Variants in FSIP1 observed in about 807,000 individuals in gnomAD.
FSIP1 encodes fibrous sheath-interacting protein 1.
FSIP1 carries 65 observed loss-of-function variants against 60.9 expected under a neutral mutation model. The ratio of observed to expected loss-of-function variants is 1.07; its 90% CI spans 0.87 to 1.31. The LOEUF (loss-of-function observed/expected upper bound fraction) is 1.31. FSIP1 is among the 40% of genes most tolerant of loss of function. FSIP1 has a pLI of 0.00. For missense variants in FSIP1, 675 were observed against 665.5 expected, an observed-to-expected ratio of 1.01 and a Z score of -0.16; for synonymous variants, 209 against 221.2, an observed-to-expected ratio of 0.94 and a Z score of 0.49.
At chr15:39,641,322 T>C (rs1381713800) in intron 10 of FSIP1, among the ~76,000 whole-genome samples, 1 of 152,184 alleles carries the variant, frequency 6.6e-6, no homozygotes, top group Non-Finnish European at 1.5e-5. Context: ...TACCCACCAC[T>C]AGAGCACAAA....
At position 39,753,687 on chromosome 15, in the gene FSIP1, C is replaced by T. The variant is rs578129338; in HGVS notation, c.559+10134G>A. Reference sequence around the variant, plus strand: ...AATAAATTTCAACACTAAGTTCTTACAGCTCTCAGCATAGGAATAATTGTT... The same window carrying T: ...AATAAATTTCAACACTAAGTTCTTATAGCTCTCAGCATAGGAATAATTGTT... On this transcript the variant is annotated intron_variant, in intron 5 of 11. Transcript: ENST00000350221. Among the ~76,000 whole-genome samples, 7 of 151,924 alleles carry T rather than the reference C, an allele frequency of 4.6e-5. No homozygotes were observed. In the South Asian group the frequency reaches 1.2e-3, roughly 27 times the overall value.
intron 10 of FSIP1, among the ~76,000 whole-genome samples, chr15:39,662,496 A>G (rs1174630385): frequency 6.6e-6 from 1 of 152,178 alleles, no homozygotes; most frequent in African/African-American, 2.4e-5. Context: ...GAAATTAAGG[A>G]TATGTAGTCA....
chr15:39,780,305 C>G (rs969913906), intron 1 of FSIP1, among the ~76,000 whole-genome samples: 2 of 152,124 alleles, frequency 1.3e-5, no homozygotes, highest in Admixed American at 1.3e-4. Context: ...GGGCAGATCA[C>G]GAGGTCAGGA....
intron 10 of FSIP1, among the ~76,000 whole-genome samples, chr15:39,623,358 G>A (rs963788868): frequency 2.6e-5 from 4 of 152,034 alleles, no homozygotes; most frequent in South Asian, 2.1e-4. Flanking sequence ...AGCTTACTTC[G>A]GGTGTTTTTT....
chr15:39,748,562 C>T (rs1020730995), intron 5 of FSIP1, among the ~76,000 whole-genome samples: 1 of 152,146 alleles, frequency 6.6e-6, no homozygotes, highest in African/African-American at 2.4e-5. Context: ...CCCTGCAGCA[C>T]ATCCTTATGA....
chr15:39,723,297 T>C (rs199949852), intron 9 of FSIP1, among the ~76,000 whole-genome samples: 3 of 152,286 alleles, frequency 2.0e-5, no homozygotes. Context: ...GGCGCGATCT[T>C]GGCTCACTGC....
chr15:39,690,697 T>C (rs549987474), intron 10 of FSIP1, among the ~76,000 whole-genome samples: 4 of 152,216 alleles, frequency 2.6e-5, no homozygotes, highest in African/African-American at 7.2e-5. Context: ...CTTTTGTCCA[T>C]TGCTGCCACA....
In FSIP1 at chr15:39,695,016, T is replaced by C. The variant is rs141413096; in HGVS notation, c.1188+18428A>G. ...AGATGTGCTGTCAGTAGGGTTTACATTTTCCCAGCAAACGGAATCATAGAA... is the reference window on the plus strand; with the variant it reads ...AGATGTGCTGTCAGTAGGGTTTACACTTTCCCAGCAAACGGAATCATAGAA... On this transcript the variant is annotated intron_variant, in intron 10 of 11. Transcript: ENST00000350221. Among the ~76,000 whole-genome samples, 19 of 152,276 alleles carry C rather than the reference T, an allele frequency of 1.2e-4. No individual in the cohort carries two copies. The East Asian group carries it at 3.1e-3, about 25-fold the overall frequency.
chr15:39,728,576 G>C (rs1896286952), intron 8 of FSIP1, among the ~76,000 whole-genome samples: 2 of 152,292 alleles, frequency 1.3e-5, no homozygotes, highest in South Asian at 4.1e-4. Context: ...GGCATAACTG[G>C]CTAGCCATGT....
intron 10 of FSIP1, among the ~76,000 whole-genome samples, chr15:39,633,582 C>T (rs1230122505): frequency 6.6e-6 from 1 of 152,132 alleles, no homozygotes; most frequent in East Asian, 1.9e-4. Context: ...TGTATTATAA[C>T]TAACTTCTAC....
At chr15:39,754,866 T>C (rs1241744858) in intron 5 of FSIP1, among the ~76,000 whole-genome samples, 1 of 151,968 alleles carries the variant, frequency 6.6e-6, no homozygotes, top group African/African-American at 2.4e-5. Flanking sequence ...AAACTGGAGG[T>C]ATGCCATTAG....
At chr15:39,682,985 T>C (rs1894225910) in intron 10 of FSIP1, among the ~76,000 whole-genome samples, 1 of 152,062 alleles carries the variant, frequency 6.6e-6, no homozygotes. Flanking sequence ...CCTGGTCCAG[T>C]ACAGAAAGGG....
At chr15:39,722,250 C>T (rs1252978904) in intron 9 of FSIP1, among the ~76,000 whole-genome samples, 1 of 151,952 alleles carries the variant, frequency 6.6e-6, no homozygotes, top group East Asian at 1.9e-4. Context: ...CCATTACCCC[C>T]GGATGGAACC....
intron 5 of FSIP1, among the ~76,000 whole-genome samples, chr15:39,749,093 T>C (rs1220807263): frequency 6.6e-6 from 1 of 151,616 alleles, no homozygotes; most frequent in Non-Finnish European, 1.5e-5. Context: ...AAACTACCAC[T>C]ATTAAATCAG....
chr15:39,692,394 C>T (rs1016669298), intron 10 of FSIP1, among the ~76,000 whole-genome samples: 1 of 152,228 alleles, frequency 6.6e-6, no homozygotes, highest in African/African-American at 2.4e-5. Context: ...AGGACCTAAA[C>T]ATTAGACACC....
chr15:39,628,058 A>G (rs999393), intron 10 of FSIP1, among the ~76,000 whole-genome samples: 27,568 of 152,144 alleles, frequency 0.18, 3,044 homozygotes, highest in East Asian at 0.32. Flanking sequence ...GTTATGGCCA[A>G]CACTGTCAAC....
intron 9 of FSIP1, among the ~76,000 whole-genome samples, chr15:39,724,888 T>C (rs1896127806): frequency 6.6e-6 from 1 of 151,192 alleles, no homozygotes; most frequent in Non-Finnish European, 1.5e-5. Flanking sequence ...TTCCTCCTTT[T>C]TGAAAAATAG....
At chr15:39,626,399 C>T (rs1341777661) in intron 10 of FSIP1, among the ~76,000 whole-genome samples, 1 of 152,156 alleles carries the variant, frequency 6.6e-6, no homozygotes, top group Non-Finnish European at 1.5e-5. Flanking sequence ...CAAAACCCTC[C>T]ACCTTGTACT....
intron 10 of FSIP1, among the ~76,000 whole-genome samples, chr15:39,629,018 A>G (rs2140399088): frequency 6.6e-6 from 1 of 152,274 alleles, no homozygotes; most frequent in East Asian, 1.9e-4. Context: ...GGAAGCTGGC[A>G]GCAGCAGCAG....
Sources: allele counts gnomAD v4.1 joint callset (sites outside exome capture counted in the v4.1 genomes callset), GRCh38; gene constraint gnomAD v4.1.1; transcripts MANE v1.5; gene names NCBI Gene and HGNC (gene_info 2026-07-23, HGNC 2026-07-21).